The following RBFOX1 variants were observed in gnomAD, a reference collection of about 807,000 sequenced individuals.
The protein encoded by RBFOX1 is RNA binding protein fox-1 homolog 1.
Under a neutral mutation model 57.7 loss-of-function variants are expected in RBFOX1, and 8 were observed. That is an observed-to-expected ratio of 0.14 (90% CI 0.08 to 0.25). The LOEUF is 0.25. Among genes scored for constraint, RBFOX1 ranks in the 10% least tolerant of loss-of-function variants. RBFOX1 has a pLI of 1.00. For missense variants in RBFOX1, 611 were observed against 548.5 expected, an observed-to-expected ratio of 1.11 and a Z score of -1.14; for synonymous variants, 326 against 222.4, an observed-to-expected ratio of 1.47 and a Z score of -4.15.
At chr16:6,188,254 C>T (rs1396030561) in intron 1 of RBFOX1, among the ~76,000 whole-genome samples, 1 of 152,044 alleles carries the variant, frequency 6.6e-6, no homozygotes, top group Non-Finnish European at 1.5e-5. Flanking sequence ...CACACATTAA[C>T]TAGTGGCTGT....
At chr16:5,345,803 G>C (rs1225774799) in intron 1 of RBFOX1, among the ~76,000 whole-genome samples, 2 of 152,146 alleles carry the variant, frequency 1.3e-5, no homozygotes, top group African/African-American at 2.4e-5. Context: ...TTTTAACAAG[G>C]AGCCTTCTGT....
intron 3 of RBFOX1, among the ~76,000 whole-genome samples, chr16:6,939,756 C>T (rs1306615541): frequency 6.6e-6 from 1 of 152,080 alleles, no homozygotes. Context: ...AAATGATCAG[C>T]CTGCCTTGGC....
chr16:6,314,806 G>C (rs193120523), intron 1 of RBFOX1, among the ~76,000 whole-genome samples: 2 of 152,212 alleles, frequency 1.3e-5, no homozygotes, highest in African/African-American at 4.8e-5. Context: ...TTAGGACTCA[G>C]ATAATCCTGC....
At chr16:6,559,491 T>G (rs1216688570) in intron 2 of RBFOX1, among the ~76,000 whole-genome samples, 1 of 152,116 alleles carries the variant, frequency 6.6e-6, no homozygotes, top group African/African-American at 2.4e-5. Context: ...CTATGCATTT[T>G]TTGAGAAAAC....
chr16:7,107,322 G>T (rs530795434), intron 4 of RBFOX1, among the ~76,000 whole-genome samples: 89 of 152,158 alleles, frequency 5.8e-4, no homozygotes, highest in African/African-American at 2.1e-3. Context: ...ACAGACAGTA[G>T]ATATTCTCAT....
chr16:6,993,841 T>C (rs2091880856), intron 3 of RBFOX1, among the ~76,000 whole-genome samples: 1 of 152,188 alleles, frequency 6.6e-6, no homozygotes, highest in African/African-American at 2.4e-5. Context: ...CACTCCAAAA[T>C]GCTTGTGAAG....
At chr16:5,411,220 A>C (rs1248878870) in intron 1 of RBFOX1, among the ~76,000 whole-genome samples, 1 of 152,240 alleles carries the variant, frequency 6.6e-6, no homozygotes, top group Admixed American at 6.5e-5. Context: ...GTCACCTTGC[A>C]TGGCGAAAGG....
rs148961663 is a variant in RBFOX1, at chr16:6,987,676, T to C, written c.-15-64381T>C. Reference sequence around the variant, plus strand: ...GCCTCCACTGACCTGCAGTTCACAATCTAGAAGTGTGAACTTGGAAATAGA... The same window carrying C: ...GCCTCCACTGACCTGCAGTTCACAACCTAGAAGTGTGAACTTGGAAATAGA... On this transcript the variant is annotated intron_variant, in intron 3 of 15. Transcript: ENST00000550418. Among the ~76,000 whole-genome samples, 736 of 152,268 alleles carry C rather than the reference T, an allele frequency of 4.8e-3. 2 individuals are homozygous for C. The highest frequency in any genetic ancestry group is 7.2e-3 in the Non-Finnish European group (491 of 68,024).
In RBFOX1 at chr16:5,739,012, G is replaced by A. The variant is rs990956530; in HGVS notation, c.319-128291G>A. Among the ~76,000 whole-genome samples the A allele has an allele frequency of 5.3e-5, 8 of 152,306 alleles. No homozygotes were observed. In the South Asian group the frequency reaches 1.0e-3, roughly 20 times the overall value. ...CACACCCCTTCCTCCACAAGGCCTT[G>A]CCTGAATCTCAAGTTTAGAAAAAAC... On this transcript the variant is annotated intron_variant, in intron 3 of 19. Coordinates refer to the RBFOX1 transcript ENST00000641259.
intron 2 of RBFOX1, among the ~76,000 whole-genome samples, chr16:6,468,006 T>G (rs971777692): frequency 1.3e-5 from 2 of 152,180 alleles, no homozygotes; most frequent in African/African-American, 4.8e-5. Flanking sequence ...TCTTTGAGAG[T>G]TAAGAGAAAG....
intron 4 of RBFOX1, among the ~76,000 whole-genome samples, chr16:7,349,839 C>T (rs1444183277): frequency 6.6e-6 from 1 of 152,054 alleles, no homozygotes; most frequent in East Asian, 1.9e-4. Context: ...CTGTTAGCTG[C>T]TAGGAAGGAA....
At chr16:6,502,246 C>T (rs2095957398) in intron 2 of RBFOX1, among the ~76,000 whole-genome samples, 1 of 152,146 alleles carries the variant, frequency 6.6e-6, no homozygotes, top group Non-Finnish European at 1.5e-5. Flanking sequence ...TCTAGATCGG[C>T]TACAATAGTA....
rs147014518 is a variant in RBFOX1, at chr16:6,992,948, C to G, written c.-15-59109C>G. On this transcript the variant is annotated intron_variant, in intron 3 of 15. Transcript: ENST00000550418. ...TGGATTTCATTGTAGAATGCAGACT[C>G]CTTCTTCCCAATTACTTCTTTGCTT... 5.9e-5 allele frequency among the ~76,000 whole-genome samples: 9 copies of G among 152,208 alleles called. No individual in the cohort carries two copies. In the East Asian group the frequency reaches 1.7e-3, roughly 29 times the overall value.
At chr16:7,561,501 C>T (rs1004879705) in intron 5 of RBFOX1, among the ~76,000 whole-genome samples, 2 of 152,222 alleles carry the variant, frequency 1.3e-5, no homozygotes, top group Admixed American at 6.5e-5. Flanking sequence ...TCCGAAATAT[C>T]CTGACTAGTG....
intron 3 of RBFOX1, among the ~76,000 whole-genome samples, chr16:6,794,430 G>C (rs1159503431): frequency 1.3e-5 from 2 of 152,052 alleles, no homozygotes; most frequent in South Asian, 4.1e-4. Flanking sequence ...CTATTGCTCA[G>C]ATTCCCTTCA....
At chr16:6,168,997 G>T (rs533646907) in intron 1 of RBFOX1, among the ~76,000 whole-genome samples, 2 of 151,928 alleles carry the variant, frequency 1.3e-5, no homozygotes, top group Non-Finnish European at 2.9e-5. Context: ...ATTTAGAGTT[G>T]GGCAAAAGTG....
intron 4 of RBFOX1, among the ~76,000 whole-genome samples, chr16:7,506,754 T>A (rs75444108): frequency 0.01 from 1,572 of 152,292 alleles, 14 homozygotes; most frequent in Middle Eastern, 0.027. Context: ...TTCCATTTGT[T>A]TAGCACCTCA....
rs145814557 is a variant in RBFOX1, at chr16:7,567,504, T to C, written c.271-12273T>C. Among the ~76,000 whole-genome samples, 75 of 49,182 alleles carry C rather than the reference T, an allele frequency of 1.5e-3. 6 individuals carry two copies. Among genetic ancestry groups the C allele is most frequent in the Admixed American group, 3.6e-3 (15 of 4,134 alleles). The allele number at this position is 49,182 out of a possible 152,430, so 32.3% of individuals were successfully genotyped here. ...GTATGGCCCTATATGTATATCCCTA[T>C]GTATGGCCCTATATATATATCCCTA... is the stretch of plus-strand genomic sequence containing the variant. On this transcript the variant is annotated intron_variant, in intron 5 of 15. Transcript: ENST00000550418.
intron 4 of RBFOX1, among the ~76,000 whole-genome samples, chr16:5,904,184 G>C (rs1014842384): frequency 3.9e-5 from 6 of 152,096 alleles, no homozygotes; most frequent in Admixed American, 2.6e-4. Flanking sequence ...AGCCTCAACA[G>C]TGATTAGATC....
Sources: allele counts gnomAD v4.1 joint callset (sites outside exome capture counted in the v4.1 genomes callset), GRCh38; gene constraint gnomAD v4.1.1; transcripts MANE v1.5; gene names NCBI Gene and HGNC (gene_info 2026-07-23, HGNC 2026-07-21).